Variants in SFMBT1 observed in about 807,000 individuals in gnomAD.
The protein encoded by SFMBT1 is scm-like with four MBT domains protein 1.
Under a neutral mutation model 108.7 loss-of-function variants are expected in SFMBT1, and 32 were observed. The ratio of observed to expected loss-of-function variants is 0.29; its 90% CI spans 0.22 to 0.40. The LOEUF is 0.40. SFMBT1 is among the 10% of genes least tolerant of loss of function. The pLI is 1.00. For synonymous variants in SFMBT1, 348 were observed against 369.5 expected (o/e 0.94, Z 0.67); for missense variants, 816 against 1,059.6 (o/e 0.77, Z 3.19).
At chr3:52,905,921 T>A (rs952722073) in intron 20 of SFMBT1, among the ~76,000 whole-genome samples, 192 bp downstream of exon 20, 1 of 152,308 alleles carries the variant, frequency 6.6e-6, no homozygotes, top group East Asian at 1.9e-4. Flanking sequence ...GCAATGATAA[T>A]CTCCTTCAAC....
At chr3:53,003,121 CAAAAAAAAAAA>C (rs397894876) in intron 1 of SFMBT1, among the ~76,000 whole-genome samples, 1 of 62,022 alleles carries the variant, frequency 1.6e-5, no homozygotes, top group Admixed American at 2.3e-4. Context: ...GACTCCATCA[CAAAAAAAAAAA>C]AAAAAAAAAA....
chr3:52,957,496 C>G (rs570880636), intron 2 of SFMBT1, among the ~76,000 whole-genome samples: 145 of 152,286 alleles, frequency 9.5e-4, no homozygotes, highest in African/African-American at 3.3e-3. Context: ...AAAAAAGAGC[C>G]TGTATAGCCA....
intron 2 of SFMBT1, among the ~76,000 whole-genome samples, chr3:52,966,306 A>C (rs1350402868): frequency 2.9e-5 from 4 of 136,240 alleles, no homozygotes; most frequent in African/African-American, 1.1e-4. Flanking sequence ...TGGGCGACAG[A>C]GCAAGACTCC....
chr3:52,930,456 T>C (rs1280697613), intron 7 of SFMBT1, 26 bp from the exon 8 acceptor site: 17 of 1,283,566 alleles, frequency 1.3e-5, no homozygotes, highest in Non-Finnish European at 1.9e-5. Flanking sequence ...CAAAAGGGGA[T>C]GAAAACATAG....
intron 1 of SFMBT1, among the ~76,000 whole-genome samples, chr3:53,036,004 C>T (rs774817058): frequency 1.2e-4 from 18 of 152,184 alleles, no homozygotes; most frequent in Non-Finnish European, 2.2e-4. Flanking sequence ...TTTCCTTTTC[C>T]TTGGCAAGGT....
rs773717441 is a variant in SFMBT1 at position 52,951,175 on chromosome 3, C to CAAA, written c.123+3139_123+3141dup. Reference sequence around the variant, plus strand: ...CTTTTACATTTTAAAATTCCTTCTCCAAAAAAAAAAAAAAAAACACACATT... The same window carrying CAAA: ...CTTTTACATTTTAAAATTCCTTCTCCAAAAAAAAAAAAAAAAAAAACACACATT... On this transcript the variant is annotated intron_variant, in intron 3 of 20. Transcript: ENST00000394752. Among the ~76,000 whole-genome samples, 125 of 97,320 alleles carry CAAA rather than the reference C, an allele frequency of 1.3e-3. 1 individual carries two copies. The highest frequency in any genetic ancestry group is 4.5e-3 in the African/African-American group (117 of 26,032). 63.8% of individuals were successfully genotyped at this position (97,320 alleles called of 152,430 possible).
intron 1 of SFMBT1, among the ~76,000 whole-genome samples, chr3:53,040,968 A>ATTTTTTTTTTTTTTTTTTTTTCTTTTTTT (rs1700027324): frequency 2.2e-5 from 1 of 46,360 alleles, no homozygotes; most frequent in Non-Finnish European, 4.0e-5. Flanking sequence ...AGACACCTGA[A>ATTTTTTTTTTTTTTTTTTTTTCTTTTTTT]TTTTTTTTTT....
intron 1 of SFMBT1, among the ~76,000 whole-genome samples, chr3:52,979,743 T>C (rs1704643071): frequency 6.6e-6 from 1 of 152,232 alleles, no homozygotes; most frequent in Non-Finnish European, 1.5e-5. Flanking sequence ...AGTGATACTA[T>C]GAACAGTCAT....
chr3:53,011,141 G>A (rs1698930231), intron 1 of SFMBT1, among the ~76,000 whole-genome samples: 1 of 152,182 alleles, frequency 6.6e-6, no homozygotes, highest in Non-Finnish European at 1.5e-5. Context: ...AAAAAAGGGA[G>A]AGTTAACTGT....
At chr3:53,023,695 G>A (rs1699388413) in intron 1 of SFMBT1, among the ~76,000 whole-genome samples, 1 of 152,268 alleles carries the variant, frequency 6.6e-6, no homozygotes, top group East Asian at 1.9e-4. Flanking sequence ...CTTGGTTGCA[G>A]CGAACTCCAG....
chr3:52,988,042 C>A (rs1347247796), intron 1 of SFMBT1, among the ~76,000 whole-genome samples: 1 of 152,194 alleles, frequency 6.6e-6, no homozygotes, highest in Non-Finnish European at 1.5e-5. Context: ...AAAACAAAGT[C>A]TTTCCCCAAC....
At chr3:52,973,023 A>G (rs934273045) in intron 1 of SFMBT1, among the ~76,000 whole-genome samples, 3 of 152,142 alleles carry the variant, frequency 2.0e-5, no homozygotes, top group African/African-American at 4.8e-5. Context: ...CTCTGCCTCA[A>G]AAAAGGAAAA....
chr3:52,979,318 A>G (rs1407070508), intron 1 of SFMBT1, among the ~76,000 whole-genome samples: 1 of 152,180 alleles, frequency 6.6e-6, no homozygotes, highest in African/African-American at 2.4e-5. Context: ...ATAAATTTCT[A>G]TTTTCAATTG....
At chr3:52,906,921 G>A in intron 19 of SFMBT1, 148 bp downstream of exon 19, 1 of 939,694 alleles carries the variant, frequency 1.1e-6, no homozygotes. Context: ...GTAAATCACT[G>A]CATTTGGGGT....
intron 2 of SFMBT1, among the ~76,000 whole-genome samples, chr3:52,958,709 A>C (rs1361847385): frequency 6.6e-6 from 1 of 152,218 alleles, no homozygotes; most frequent in Non-Finnish European, 1.5e-5. Flanking sequence ...ATTGTGGAAG[A>C]CAGTGTGCCA....
chr3:52,925,774 C>A (rs550185580), intron 10 of SFMBT1, among the ~76,000 whole-genome samples: 8 of 152,254 alleles, frequency 5.3e-5, no homozygotes, highest in African/African-American at 1.7e-4. Flanking sequence ...GAAAAATAAT[C>A]ATAAAATTTC....
chr3:53,006,981 A>G (rs1698767774), intron 1 of SFMBT1, among the ~76,000 whole-genome samples: 1 of 152,196 alleles, frequency 6.6e-6, no homozygotes, highest in African/African-American at 2.4e-5. Context: ...CCATGAGGGT[A>G]TGCAGGGACC....
intron 1 of SFMBT1, among the ~76,000 whole-genome samples, chr3:52,989,405 C>A (rs1011678375): frequency 2.7e-5 from 4 of 147,818 alleles, no homozygotes; most frequent in Non-Finnish European, 6.0e-5. Flanking sequence ...CCACTGCACT[C>A]CAGCCTGACT....
intron 1 of SFMBT1, among the ~76,000 whole-genome samples, chr3:53,007,062 C>T (rs1178159613): frequency 6.6e-6 from 1 of 152,212 alleles, no homozygotes; most frequent in African/African-American, 2.4e-5. Flanking sequence ...TCCCAGCAGA[C>T]ACATGCTCAC....
Sources: gnomAD v4.1 joint callset for allele counts (sites outside exome capture counted in the v4.1 genomes callset) on GRCh38, gnomAD v4.1.1 for gene constraint, MANE v1.5 for transcripts, NCBI Gene and HGNC (gene_info 2026-07-23, HGNC 2026-07-21) for gene names.